RIMS1: variants seen among roughly 807,000 people sequenced by gnomAD.
RIMS1 encodes regulating synaptic membrane exocytosis protein 1.
RIMS1 carries 83 observed loss-of-function variants against 214.1 expected under a neutral mutation model. That is an observed-to-expected ratio of 0.39 (90% CI 0.32 to 0.47). The LOEUF (loss-of-function observed/expected upper bound fraction) is 0.47, where lower values mean the gene tolerates loss of function less well. RIMS1 is among the 20% of genes least tolerant of loss of function. The pLI, the probability that RIMS1 is intolerant of heterozygous loss-of-function variation, is 0.99. For synonymous variants in RIMS1, 793 were observed against 786.8 expected (o/e 1.01, Z -0.13); for missense variants, 2,050 against 2,161.8 (o/e 0.95, Z 1.03).
At chr6:72,249,197 C>T (rs1356088453) in intron 12 of RIMS1, among the ~76,000 whole-genome samples, 2 of 151,960 alleles carry the variant, frequency 1.3e-5, no homozygotes, top group Non-Finnish European at 2.9e-5. Context: ...CTTACTTAAA[C>T]ATAAAATGAA....
At chr6:72,216,017 G>A (rs1221080356) in intron 6 of RIMS1, among the ~76,000 whole-genome samples, 1 of 152,140 alleles carries the variant, frequency 6.6e-6, no homozygotes, top group Non-Finnish European at 1.5e-5. Context: ...AAACAAAGTA[G>A]AAGCAGTCCA....
chr6:72,301,672 A>G (rs1455325397), intron 26 of RIMS1, among the ~76,000 whole-genome samples: 6 of 151,668 alleles, frequency 4.0e-5, no homozygotes, highest in Non-Finnish European at 7.4e-5. Flanking sequence ...CACTATTTAC[A>G]TGACATTTTC....
chr6:72,202,234 A>C lies in RIMS1; in HGVS notation c.1678+19085A>C, dbSNP rs192607876. ...AAGGGTTACCATAACAGGATACTGCAGACTGGGTGTCCTAAACAACAGGAA... is the reference window on the plus strand; with the variant it reads ...AAGGGTTACCATAACAGGATACTGCCGACTGGGTGTCCTAAACAACAGGAA... On this transcript the variant is annotated intron_variant, in intron 6 of 33. Coordinates refer to ENST00000521978, the MANE Select transcript of RIMS1 (RefSeq NM_014989.7). 2.0e-3 allele frequency among the ~76,000 whole-genome samples: 307 copies of C among 152,346 alleles called. 1 individual carries two copies. The highest frequency in any genetic ancestry group is 3.6e-3 in the Non-Finnish European group (245 of 68,030).
intron 6 of RIMS1, among the ~76,000 whole-genome samples, chr6:72,186,595 A>G (rs1271531121): frequency 2.0e-5 from 3 of 152,206 alleles, no homozygotes; most frequent in African/African-American, 7.2e-5. Flanking sequence ...GGTGCTGGTC[A>G]TCATCCTTGT....
chr6:72,274,214 T>C (rs1412412519), intron 22 of RIMS1, 135 bp from the exon 23 acceptor site: 1 of 549,158 alleles, frequency 1.8e-6, no homozygotes. Context: ...ACAGTGAAGA[T>C]TTTAAATTAT....
At chr6:72,375,270 CTAAT>C (rs2098341245) in intron 29 of RIMS1, among the ~76,000 whole-genome samples, 1 of 152,164 alleles carries the variant, frequency 6.6e-6, no homozygotes, top group African/African-American at 2.4e-5. Context: ...CTTGGCCTCT[CTAAT>C]TAATTGATTT....
chr6:71,936,822 G>T (rs545850299), intron 1 of RIMS1, among the ~76,000 whole-genome samples: 1 of 152,192 alleles, frequency 6.6e-6, no homozygotes, highest in African/African-American at 2.4e-5. Flanking sequence ...TGCTAAAGGG[G>T]GTTGTGTGTA....
At chr6:72,167,721 A>G (rs2153948532) in intron 4 of RIMS1, among the ~76,000 whole-genome samples, 1 of 152,162 alleles carries the variant, frequency 6.6e-6, no homozygotes, top group South Asian at 2.1e-4. Flanking sequence ...TTATTGACAT[A>G]CAGTTGTTCA....
intron 1 of RIMS1, among the ~76,000 whole-genome samples, chr6:71,941,126 C>T (rs896401897): frequency 4.0e-5 from 6 of 151,638 alleles, no homozygotes; most frequent in South Asian, 2.1e-4. Context: ...TTTTTTCACC[C>T]GGGCATATTT....
intron 6 of RIMS1, among the ~76,000 whole-genome samples, chr6:72,199,100 A>C (rs2051482284): frequency 6.6e-6 from 1 of 152,088 alleles, no homozygotes. Flanking sequence ...TCCAATAAGA[A>C]AGTCTGTATT....
chr6:72,289,219 C>A (rs1466532643), intron 24 of RIMS1, among the ~76,000 whole-genome samples: 1 of 152,080 alleles, frequency 6.6e-6, no homozygotes, highest in Non-Finnish European at 1.5e-5. Context: ...TGTATAATTC[C>A]ATTTGCGAGC....
At chr6:72,285,774 A>C (rs540660792) in intron 24 of RIMS1, among the ~76,000 whole-genome samples, 2 of 152,246 alleles carry the variant, frequency 1.3e-5, no homozygotes, top group Non-Finnish European at 2.9e-5. Context: ...TTTCTTAGAT[A>C]AATTTTCAAT....
At chr6:72,196,411 C>G (rs2050929240) in intron 6 of RIMS1, among the ~76,000 whole-genome samples, 1 of 151,336 alleles carries the variant, frequency 6.6e-6, no homozygotes, top group Non-Finnish European at 1.5e-5. Context: ...ATCTATCTAT[C>G]TATCTATCTA....
intron 1 of RIMS1, among the ~76,000 whole-genome samples, chr6:71,937,668 G>A (rs1027894499): frequency 2.0e-5 from 3 of 152,048 alleles, no homozygotes; most frequent in African/African-American, 2.4e-5. Flanking sequence ...AGACAGAGAG[G>A]GAAAATGGGG....
intron 29 of RIMS1, among the ~76,000 whole-genome samples, chr6:72,357,223 A>G (rs2097676697): frequency 6.6e-6 from 1 of 152,152 alleles, no homozygotes; most frequent in Admixed American, 6.5e-5. Flanking sequence ...GGTGGCTTTG[A>G]TGTTTAATCC....
chr6:72,275,351 GA>G (rs1340254365), intron 23 of RIMS1, among the ~76,000 whole-genome samples: 3 of 150,548 alleles, frequency 2.0e-5, no homozygotes, highest in African/African-American at 7.5e-5. Context: ...TAAATGTACA[GA>G]TTTTTTTTAG....
chr6:72,141,671 TA>T (rs1353881380), intron 4 of RIMS1, among the ~76,000 whole-genome samples: 22 of 152,072 alleles, frequency 1.4e-4, no homozygotes, highest in African/African-American at 5.3e-4. Flanking sequence ...ACAATTTAAA[TA>T]ACCCGTGATA....
chr6:71,889,726 G>A lies in RIMS1; in HGVS notation c.164+2539G>A, dbSNP rs9446505. On this transcript the variant is annotated intron_variant, in intron 1 of 33. Transcript: ENST00000521978. ...CTATTTAGATGACACATATATATGA[G>A]GACATAATGACACATAGTCATAGAT... Among the ~76,000 whole-genome samples, 1,508 of 152,240 alleles carry A rather than the reference G, an allele frequency of 9.9e-3. 28 individuals are homozygous for A. Among genetic ancestry groups the A allele is most frequent in the African/African-American group, 0.035 (1,450 of 41,534 alleles).
At chr6:72,317,132 T>A (rs2095848700) in intron 28 of RIMS1, 1 of 386,294 alleles carries the variant, frequency 2.6e-6, no homozygotes, top group Admixed American at 3.6e-5. Context: ...GCTGGGCTGC[T>A]CTGTGGCACC....
Sources: allele counts gnomAD v4.1 joint callset (sites outside exome capture counted in the v4.1 genomes callset), GRCh38; gene constraint gnomAD v4.1.1; transcripts MANE v1.5; gene names NCBI Gene and HGNC (gene_info 2026-07-23, HGNC 2026-07-21).